The following FAM13C variants were observed in gnomAD, a reference collection of about 807,000 sequenced individuals.
FAM13C encodes the protein family with sequence similarity 13 member C.
FAM13C carries 37 observed loss-of-function variants against 73.2 expected under a neutral mutation model. The ratio of observed to expected loss-of-function variants is 0.51; its 90% confidence interval spans 0.39 to 0.67. FAM13C has a LOEUF of 0.67. Among genes scored for constraint, FAM13C ranks in the 30% least tolerant of loss-of-function variants. The pLI is 0.00. For missense variants in FAM13C, 589 were observed against 715.6 expected, an observed-to-expected ratio of 0.82 and a Z score of 2.02; for synonymous variants, 246 against 260.9, an observed-to-expected ratio of 0.94 and a Z score of 0.55.
intron 4 of FAM13C, among the ~76,000 whole-genome samples, chr10:59,307,957 C>T (rs1479797583): frequency 3.9e-5 from 6 of 152,094 alleles, no homozygotes; most frequent in Non-Finnish European, 7.4e-5. Context: ...AGTAGCTAGC[C>T]ATCTCAAACT....
chr10:59,260,869 G>A (rs546474456), intron 10 of FAM13C, among the ~76,000 whole-genome samples: 19 of 152,276 alleles, frequency 1.2e-4, no homozygotes, highest in Admixed American at 4.6e-4. Context: ...AATTATATAA[G>A]TAGGTATTAC....
chr10:59,331,553 T>C (rs1273576023), intron 3 of FAM13C, among the ~76,000 whole-genome samples: 1 of 152,138 alleles, frequency 6.6e-6, no homozygotes, highest in Admixed American at 6.5e-5. Context: ...CCATTGGCAA[T>C]GGCAAGCCAC....
chr10:59,268,829 T>G, intron 7 of FAM13C, 138 bp from the exon 8 acceptor site: 18 of 941,832 alleles, frequency 1.9e-5, no homozygotes, highest in Non-Finnish European at 2.5e-5. Context: ...GCCACCATGG[T>G]AGCATCTGCT....
At position 59,262,638 on chromosome 10, in the gene FAM13C, C is replaced by T. The variant is rs1340732717; in HGVS notation, c.1032G>A (p.Lys344=). The change falls in exon 10 of 14, where the codon AAG becomes AAA. Residue 344 remains lysine, a synonymous_variant. Transcript: ENST00000618804. The part of the protein sequence containing the change: ...AKGRKQLKEL[K]LKLSEEQGSA... ...TCCCTTGTTCTTCTGACAGCTTTAG[C>T]TTTAGTTCTAAGAGAAATGCTATGA... is the stretch of plus-strand genomic sequence containing the variant. 2 of 1,613,134 alleles carry T rather than the reference C, an allele frequency of 1.2e-6. No individual in the cohort carries two copies. Among genetic ancestry groups the T allele is most frequent in the Non-Finnish European group, 1.7e-6 (2 of 1,179,520 alleles).
intron 5 of FAM13C, among the ~76,000 whole-genome samples, chr10:59,298,176 T>C (rs748543256): frequency 2.0e-5 from 3 of 152,216 alleles, no homozygotes; most frequent in Non-Finnish European, 4.4e-5. Flanking sequence ...GGATAAACGA[T>C]AGTGATGGTC....
intron 10 of FAM13C, among the ~76,000 whole-genome samples, chr10:59,260,538 T>A (rs980002163): frequency 1.3e-5 from 2 of 152,202 alleles, no homozygotes; most frequent in African/African-American, 4.8e-5. Flanking sequence ...AAATGTCACC[T>A]CTTGGCCTTC....
chr10:59,284,528 T>G (rs1207117114), intron 5 of FAM13C, among the ~76,000 whole-genome samples: 1 of 146,744 alleles, frequency 6.8e-6, no homozygotes, highest in Non-Finnish European at 1.5e-5. Context: ...CCCCACACAG[T>G]GTCACTCCCA....
intron 3 of FAM13C, among the ~76,000 whole-genome samples, chr10:59,337,179 T>G (rs1436999338): frequency 6.6e-6 from 1 of 152,178 alleles, no homozygotes; most frequent in Non-Finnish European, 1.5e-5. Flanking sequence ...CTACCCAATA[T>G]CTGAACAAAA....
At chr10:59,307,574 T>G in intron 4 of FAM13C, among the ~76,000 whole-genome samples, 1 of 152,210 alleles carries the variant, frequency 6.6e-6, no homozygotes, top group South Asian at 2.1e-4. Context: ...AAATATTTTT[T>G]AAACACCAAA....
intron 3 of FAM13C, among the ~76,000 whole-genome samples, chr10:59,333,008 T>TTTACTTAC (rs57556314): frequency 4.5e-4 from 68 of 151,520 alleles, no homozygotes; most frequent in Non-Finnish European, 8.7e-4. Context: ...TATTTATTTA[T>TTTACTTAC]TCATTTATTG....
At chr10:59,337,442 T>A (rs977965328) in intron 3 of FAM13C, among the ~76,000 whole-genome samples, 3 of 152,216 alleles carry the variant, frequency 2.0e-5, no homozygotes, top group Admixed American at 2.0e-4. Flanking sequence ...TGTTGCCAAT[T>A]GTCTGGCTTT....
chr10:59,284,873 C>T (rs1417345282), intron 5 of FAM13C, among the ~76,000 whole-genome samples: 6 of 151,706 alleles, frequency 4.0e-5, no homozygotes, highest in Non-Finnish European at 8.8e-5. Context: ...CATGCCTTCA[C>T]ATACTGTCCA....
At chr10:59,268,328 A>T (rs2133539254) in intron 8 of FAM13C, among the ~76,000 whole-genome samples, 1 of 152,362 alleles carries the variant, frequency 6.6e-6, no homozygotes, top group East Asian at 1.9e-4. Context: ...GTTTGGAAAT[A>T]ATAGTTGTAA....
At chr10:59,355,759 G>C in intron 2 of FAM13C, 128 bp downstream of exon 2, 1 of 967,676 alleles carries the variant, frequency 1.0e-6, no homozygotes, top group Non-Finnish European at 1.6e-6. Flanking sequence ...TAAAAATCTA[G>C]TAGAAGAGAT....
At chr10:59,247,827 G>A (rs1840860785) in intron 13 of FAM13C, 90 bp from the exon 14 acceptor site, 2 of 1,337,856 alleles carry the variant, frequency 1.5e-6, no homozygotes, top group Admixed American at 2.4e-5. Context: ...AAAGTATACT[G>A]TAACGGCCTC....
chr10:59,304,778 G>GGGAAGGGAAGGGAAGGGAAGGGAAT (rs1294857504), intron 4 of FAM13C, among the ~76,000 whole-genome samples: 2 of 85,854 alleles, frequency 2.3e-5, no homozygotes, highest in African/African-American at 8.7e-5. Context: ...GGGAAGGGAA[G>GGGAAGGGAAGGGAAGGGAAGGGAAT]GGAAGGGAAG....
intron 3 of FAM13C, among the ~76,000 whole-genome samples, chr10:59,336,010 G>A (rs1165738593): frequency 6.6e-6 from 1 of 152,160 alleles, no homozygotes; most frequent in Non-Finnish European, 1.5e-5. Context: ...CAGATGACAA[G>A]CATATACCAG....
chr10:59,297,976 C>T (rs284592), intron 5 of FAM13C, among the ~76,000 whole-genome samples: 95,538 of 152,008 alleles, frequency 0.63, 30,437 homozygotes, highest in Admixed American at 0.7. Context: ...CTTGAAATCC[C>T]CGCCATTGGA....
chr10:59,268,687 G>T lies in FAM13C; in HGVS notation c.808C>A (p.Arg270=), dbSNP rs199908790. The T allele has an allele frequency of 6.2e-7, 1 of 1,611,550 alleles. No homozygotes were observed. Among genetic ancestry groups the T allele is most frequent in the Non-Finnish European group, 8.5e-7 (1 of 1,179,376 alleles). The change falls in exon 8 of 14, where the codon CGG becomes AGG. Residue 270 remains arginine (R), a synonymous_variant. Coordinates refer to ENST00000618804, the MANE Select transcript of FAM13C (RefSeq NM_198215.4). ...PPSTQQFMMP[R]SSSRCSCGDG... is the part of the protein sequence containing the mutation. The stretch of plus-strand genomic sequence containing the variant: ...CCACAGCTGCAGCGTGAAGAACTCC[G>T]CGGCCTGCAGTGATTACAAGGAGGA...
Sources: allele counts gnomAD v4.1 joint callset (sites outside exome capture counted in the v4.1 genomes callset), GRCh38; gene constraint gnomAD v4.1.1; transcripts MANE v1.5; gene names NCBI Gene and HGNC (gene_info 2026-07-23, HGNC 2026-07-21).